The following ANK3 variants were observed in gnomAD, a reference collection of about 807,000 sequenced individuals.
ANK3 encodes the protein ankyrin 3, also known as ankyrin-3.
Under a neutral mutation model 370.9 loss-of-function variants are expected in ANK3, and 57 were observed. That is an observed-to-expected ratio of 0.15 (90% CI 0.12 to 0.19). The LOEUF is 0.19. ANK3 is among the 10% of genes least tolerant of loss of function. ANK3 has a pLI of 1.00. For synonymous variants in ANK3, 1,929 were observed against 1,946.3 expected (o/e 0.99, Z 0.23); for missense variants, 4,439 against 5,302.1 (o/e 0.84, Z 5.06).
At chr10:60,265,140 G>T (rs1184975531) in intron 5 of ANK3, among the ~76,000 whole-genome samples, 3 of 151,868 alleles carry the variant, frequency 2.0e-5, no homozygotes, top group Non-Finnish European at 2.9e-5. Context: ...TAGCAATTTT[G>T]ATATGTACAA....
At chr10:60,563,297 A>G (rs1391480936) in intron 2 of ANK3, among the ~76,000 whole-genome samples, 1 of 152,178 alleles carries the variant, frequency 6.6e-6, no homozygotes, top group Non-Finnish European at 1.5e-5. Context: ...ATTACAGAGC[A>G]CCACTTTATC....
intron 38 of ANK3, 42 bp downstream of exon 38, chr10:60,067,893 T>A: frequency 6.7e-7 from 1 of 1,491,466 alleles, no homozygotes; most frequent in Admixed American, 1.8e-5. Flanking sequence ...GACAAAGAAA[T>A]GAAGAAACTA....
At chr10:60,478,346 AT>A (rs1308319912) in intron 2 of ANK3, among the ~76,000 whole-genome samples, 1 of 152,120 alleles carries the variant, frequency 6.6e-6, no homozygotes, top group Non-Finnish European at 1.5e-5. Flanking sequence ...TGCTAAAAAA[AT>A]CTGTAGCTAT....
Position 60,487,720 on chromosome 10 carries a change from A to ATT in ANK3, c.96+127464_96+127465dup, listed in dbSNP as rs10684114. ...CCCCAGATAATTCTGATGATGTTGCATTTTTTTTTTTGAGACAGAGTCTCG... is the reference window on the plus strand; with the variant it reads ...CCCCAGATAATTCTGATGATGTTGCATTTTTTTTTTTTTGAGACAGAGTCTCG... On this transcript the variant is annotated intron_variant, in intron 2 of 43. Transcript: ENST00000373827. Among the ~76,000 whole-genome samples, 388 of 144,988 alleles carry ATT rather than the reference A, an allele frequency of 2.7e-3. 1 individual carries two copies. Among genetic ancestry groups the ATT allele is most frequent in the African/African-American group, 8.7e-3 (342 of 39,478 alleles).
At chr10:60,166,696 T>C (rs892289056) in intron 22 of ANK3, 43 bp from the exon 23 acceptor site, 7 of 1,599,062 alleles carry the variant, frequency 4.4e-6, no homozygotes, top group South Asian at 2.2e-5. Flanking sequence ...GAAAAATACA[T>C]ACTCTTGATA....
intron 1 of ANK3, among the ~76,000 whole-genome samples, chr10:60,681,428 A>G (rs1273218365): frequency 7.2e-5 from 11 of 152,158 alleles, no homozygotes; most frequent in South Asian, 2.1e-4. Context: ...GTTTTTGGAA[A>G]ACATCATGAT....
rs561512197 is a variant in ANK3 at position 60,073,060 on chromosome 10, C to T, written c.7821G>A (p.Gln2607=). The change falls in exon 37 of 44, where the codon CAG becomes CAA. Residue 2607 remains glutamine (Q), a synonymous_variant. Coordinates refer to ENST00000280772, the MANE Select transcript of ANK3 (RefSeq NM_020987.5). Reference sequence around the variant, plus strand: ...TAGGGCGTGCCTTTTTCTCTGGGGACTGCAGTTCATCATTTAGCTTTTCAG... The same window carrying T: ...TAGGGCGTGCCTTTTTCTCTGGGGATTGCAGTTCATCATTTAGCTTTTCAG... The part of the protein sequence containing the change: ...DKTEKLNDEL[Q]SPEKKARPKN... 1 of 1,614,146 alleles carries T rather than the reference C, an allele frequency of 6.2e-7. No individual in the cohort carries two copies. The highest frequency in any genetic ancestry group is 1.1e-5 in the South Asian group (1 of 91,086).
chr10:60,429,434 C>T (rs1186888570), intron 2 of ANK3, among the ~76,000 whole-genome samples: 11 of 152,094 alleles, frequency 7.2e-5, no homozygotes, highest in Admixed American at 6.5e-4. Context: ...GGTACTCTTA[C>T]CCCAAATAGA....
At chr10:60,110,865 A>G (rs2092657524) in intron 26 of ANK3, among the ~76,000 whole-genome samples, 1 of 152,210 alleles carries the variant, frequency 6.6e-6, no homozygotes, top group Admixed American at 6.5e-5. Flanking sequence ...CAGTACACAC[A>G]TACACACATA....
At chr10:60,420,460 G>C (rs1249770918) in intron 2 of ANK3, among the ~76,000 whole-genome samples, 2 of 151,984 alleles carry the variant, frequency 1.3e-5, no homozygotes, top group Admixed American at 6.6e-5. Flanking sequence ...AGGCCTTTTG[G>C]CACAGTCTTT....
intron 2 of ANK3, among the ~76,000 whole-genome samples, chr10:60,395,748 C>A (rs894780598): frequency 5.3e-5 from 8 of 151,892 alleles, no homozygotes; most frequent in African/African-American, 1.5e-4. Flanking sequence ...GTTCCCTCAC[C>A]CTGCTGGTCA....
chr10:60,583,405 T>C (rs916803647), intron 2 of ANK3, among the ~76,000 whole-genome samples: 28 of 152,062 alleles, frequency 1.8e-4, no homozygotes, highest in Admixed American at 1.4e-3. Context: ...TATAAAGCTA[T>C]AGTCAGATAG....
In ANK3 at chr10:60,071,493, C is replaced by G. The variant is rs1003088173; in HGVS notation, c.9388G>C (p.Gly3130Arg). The G allele has an allele frequency of 6.2e-7, 1 of 1,613,874 alleles. No homozygotes were observed. Among genetic ancestry groups the G allele is most frequent in the Non-Finnish European group, 8.5e-7 (1 of 1,179,924 alleles). Reference protein sequence around the residue: ...QECKTVQETRGTFYTTRQQKQ... With the variant: ...QECKTVQETRRTFYTTRQQKQ... ...TGCTGTCTAGTTGTATAAAAGGTCC[C>G]CCTGGTTTCTTGTACTGTCTTACAT... Residue 3130 changes from glycine to arginine, a missense_variant, in exon 37 of 44, where the codon GGG (glycine) becomes CGG (arginine). Coordinates refer to ENST00000280772, the MANE Select transcript of ANK3 (RefSeq NM_020987.5).
intron 43 of ANK3, among the ~76,000 whole-genome samples, chr10:60,034,644 T>C (rs1212035413): frequency 6.6e-6 from 1 of 152,232 alleles, no homozygotes; most frequent in Non-Finnish European, 1.5e-5. Context: ...TTCAGATTTC[T>C]TTCCCTAATG....
intron 23 of ANK3, among the ~76,000 whole-genome samples, chr10:60,154,517 G>T (rs181081719): frequency 6.6e-6 from 1 of 152,276 alleles, no homozygotes; most frequent in East Asian, 1.9e-4. Context: ...TATTCCACCA[G>T]GCTTGGTGCC....
rs2079071029 is a variant in ANK3, at chr10:60,055,875, A to G, written c.12848T>C (p.Leu4283Pro). 3 of 1,614,046 alleles carry G rather than the reference A, an allele frequency of 1.9e-6. No individual in the cohort carries two copies. The highest frequency in any genetic ancestry group is 1.7e-6 in the Non-Finnish European group (2 of 1,180,026). The change falls in exon 42 of 44, where the codon CTG becomes CCG. Residue 4283 changes from leucine (L) to proline (P), a missense_variant. By Grantham distance (98) the Leu-to-Pro change is moderately conservative. Around this residue, in one of 13 missense-constraint regions of ANK3, gnomAD observed 242 missense variants for 228.0 expected, o/e 1.06. Transcript: ENST00000280772. ...ACCAGATCCATGTATTTTTGGTTTCAGAGTTTCCTTGGTACTCTGTTTTCC... is the reference window on the plus strand; with the variant it reads ...ACCAGATCCATGTATTTTTGGTTTCGGAGTTTCCTTGGTACTCTGTTTTCC... ...DVGKQSTKETLKPKIHGSGHV... is the reference protein window; with the variant it reads ...DVGKQSTKETPKPKIHGSGHV...
At chr10:60,414,401 T>C (rs2063619291) in intron 2 of ANK3, among the ~76,000 whole-genome samples, 1 of 152,112 alleles carries the variant, frequency 6.6e-6, no homozygotes, top group Admixed American at 6.5e-5. Flanking sequence ...CTCAGGAACA[T>C]GCAACTTTAT....
At chr10:60,480,936 T>A (rs532185434) in intron 2 of ANK3, among the ~76,000 whole-genome samples, 2 of 152,184 alleles carry the variant, frequency 1.3e-5, no homozygotes, top group Non-Finnish European at 2.9e-5. Context: ...CAGCATCTTG[T>A]AAATTTGGTC....
At chr10:60,502,523 A>G (rs1200360598) in intron 2 of ANK3, among the ~76,000 whole-genome samples, 3 of 152,190 alleles carry the variant, frequency 2.0e-5, no homozygotes, top group Non-Finnish European at 4.4e-5. Context: ...CTGGCATTAA[A>G]GAAAGCTCTT....
Sources: allele counts gnomAD v4.1 joint callset (sites outside exome capture counted in the v4.1 genomes callset), GRCh38; gene constraint gnomAD v4.1.1; regional missense constraint gnomAD v4.1.1; transcripts MANE v1.5; gene names NCBI Gene and HGNC (gene_info 2026-07-23, HGNC 2026-07-21).